CAPN3: variants seen among roughly 807,000 people sequenced by gnomAD.
CAPN3 encodes the protein calpain 3.
In CAPN3, 88 loss-of-function variants were observed where a neutral mutation model predicts 114.0. That is an observed-to-expected ratio of 0.77 (90% CI 0.65 to 0.92). CAPN3 has a LOEUF of 0.92. Among genes scored for constraint, CAPN3 ranks in the 40% least tolerant of loss-of-function variants. CAPN3 has a pLI of 0.00. For synonymous variants in CAPN3, 386 were observed against 382.9 expected (o/e 1.01, Z -0.09); for missense variants, 1,028 against 1,069.0 (o/e 0.96, Z 0.53).
chr15:42,412,188 A>AC lies in CAPN3; in HGVS notation c.*416dup. The stretch of plus-strand genomic sequence containing the variant: ...ACCATGGGCCAGGAACCAAACCAGC[A>AC]CTGGGTTCTACTGCTGTGGGGTAAA... On this transcript the variant is annotated 3_prime_UTR_variant, in exon 24 of 24. Coordinates refer to ENST00000397163, the MANE Select transcript of CAPN3 (RefSeq NM_000070.3). 1 of 1,536,074 alleles carries AC rather than the reference A, an allele frequency of 6.5e-7. No individual in the cohort carries two copies. Among genetic ancestry groups the AC allele is most frequent in the South Asian group, 1.2e-5 (1 of 84,058 alleles).
At chr15:42,409,737 A>C in intron 17 of CAPN3, 50 bp from the exon 18 acceptor site, 1 of 1,527,390 alleles carries the variant, frequency 6.5e-7, no homozygotes, top group Non-Finnish European at 9.1e-7. Context: ...TGTCCGCGCC[A>C]GGAGCTGCTG....
chr15:42,411,213 C>T, intron 22 of CAPN3, 74 bp from the exon 23 acceptor site: 1 of 1,292,522 alleles, frequency 7.7e-7, no homozygotes, highest in South Asian at 1.2e-5. Flanking sequence ...GCACATGGTC[C>T]TCTGAGGGGA....
At position 42,399,548 on chromosome 15, in the gene CAPN3, C is replaced by G; in HGVS notation, c.1250C>G (p.Thr417Arg). 1 of 1,613,528 alleles carries G rather than the reference C, an allele frequency of 6.2e-7. No homozygotes were observed. Among genetic ancestry groups the G allele is most frequent in the Non-Finnish European group, 8.5e-7 (1 of 1,179,494 alleles). The stretch of plus-strand genomic sequence containing the variant: ...ACAAAGTTGGAGATCTGCAACCTCA[C>G]GGCCGATGCTCTGCAGTCTGACAAG... ...HFTKLEICNL[T>R]ADALQSDKLQ... Residue 417 changes from threonine (T) to arginine (R), a missense_variant, in exon 10 of 24, where the codon ACG becomes AGG. By Grantham distance (71) the Thr-to-Arg change is moderately conservative. Coordinates refer to ENST00000397163, the MANE Select transcript of CAPN3 (RefSeq NM_000070.3).
chr15:42,397,644 GAA>G (rs552359920), intron 9 of CAPN3, among the ~76,000 whole-genome samples: 5 of 135,636 alleles, frequency 3.7e-5, no homozygotes, highest in Non-Finnish European at 4.9e-5. Context: ...CTCTGTCTTG[GAA>G]AAAAAAAAAA....
intron 3 of CAPN3, among the ~76,000 whole-genome samples, chr15:42,386,873 C>T (rs535137768): frequency 6.6e-6 from 1 of 152,198 alleles, no homozygotes; most frequent in African/African-American, 2.4e-5. Context: ...CAGAACCAAA[C>T]TGAATTCTAC....
chr15:42,389,724 C>T (rs537173389), intron 5 of CAPN3, among the ~76,000 whole-genome samples: 23 of 152,296 alleles, frequency 1.5e-4, no homozygotes, highest in Non-Finnish European at 2.9e-4. Flanking sequence ...CCCTTCTTCT[C>T]CCAACACGCC....
intron 14 of CAPN3, 24 bp downstream of exon 14, chr15:42,403,801 C>T (rs777664886): frequency 6.8e-6 from 11 of 1,611,602 alleles, no homozygotes; most frequent in East Asian, 4.5e-5. Context: ...ATCTTCTGTG[C>T]GAAAAGTCCA....
At chr15:42,361,809 A>G (rs1218971634) in intron 1 of CAPN3, among the ~76,000 whole-genome samples, 1 of 152,202 alleles carries the variant, frequency 6.6e-6, no homozygotes. Flanking sequence ...GTGCTTGGAC[A>G]TTTAGCTGCT....
At chr15:42,407,290 G>C (rs1317536393) in intron 15 of CAPN3, among the ~76,000 whole-genome samples, 1 of 152,136 alleles carries the variant, frequency 6.6e-6, no homozygotes, top group Non-Finnish European at 1.5e-5. Context: ...AGGGAAAGCA[G>C]ATTTTACCAT....
At chr15:42,384,431 A>C in intron 1 of CAPN3, 52 bp from the exon 2 acceptor site, 1 of 1,279,536 alleles carries the variant, frequency 7.8e-7, no homozygotes, top group Non-Finnish European at 1.1e-6. Flanking sequence ...CTATCTATCT[A>C]TCTGTCTATC....
At chr15:42,373,387 T>C (rs910147839) in intron 1 of CAPN3, among the ~76,000 whole-genome samples, 5 of 152,122 alleles carry the variant, frequency 3.3e-5, no homozygotes, top group African/African-American at 1.2e-4. Context: ...GATCACACTT[T>C]GAGAAGCACA....
In CAPN3 at chr15:42,392,634, TACAG is replaced by T. The variant is rs766156798; in HGVS notation, c.946-1_948del. ...CTAATGGGTTCTCTGGTTACTGCTC[TACAG>T]ACAATCATTCCGGTTCAGTATGAGA... is the stretch of plus-strand genomic sequence containing the variant. On this transcript the variant is annotated splice_acceptor_variant and splice_polypyrimidine_tract_variant and intron_variant, in intron 6 of 23. Coordinates refer to ENST00000397163, the MANE Select transcript of CAPN3 (RefSeq NM_000070.3). LOFTEE classifies it high-confidence loss of function. The T allele has an allele frequency of 3.1e-6, 5 of 1,612,836 alleles. No homozygotes were observed. Among genetic ancestry groups the T allele is most frequent in the East Asian group, 2.2e-5 (1 of 44,866 alleles).
At chr15:42,361,990 GCC>G (rs2052656509) in intron 1 of CAPN3, among the ~76,000 whole-genome samples, 1 of 152,140 alleles carries the variant, frequency 6.6e-6, no homozygotes, top group Admixed American at 6.5e-5. Context: ...CATCTTTGAG[GCC>G]CCCTCACCAA....
At chr15:42,398,981 C>T (rs911531089) in intron 9 of CAPN3, among the ~76,000 whole-genome samples, 5 of 151,974 alleles carry the variant, frequency 3.3e-5, no homozygotes, top group Admixed American at 6.6e-5. Context: ...GATGGGGTTT[C>T]ACCATGTTGG....
chr15:42,405,580 G>A (rs2053996036), intron 14 of CAPN3, among the ~76,000 whole-genome samples: 2 of 152,262 alleles, frequency 1.3e-5, no homozygotes, highest in South Asian at 2.1e-4. Context: ...CCAAAGTGCT[G>A]GGATTACAGG....
chr15:42,401,901 C>T, intron 11 of CAPN3, 91 bp downstream of exon 11: 6 of 1,441,742 alleles, frequency 4.2e-6, no homozygotes, highest in Non-Finnish European at 5.7e-6. Flanking sequence ...CTGGCTTCCT[C>T]AATACCCAGT....
intron 13 of CAPN3, 118 bp downstream of exon 13, chr15:42,403,120 C>G (rs1002463063): frequency 2.5e-6 from 2 of 784,606 alleles, no homozygotes; most frequent in African/African-American, 3.4e-5. Flanking sequence ...TGCTCCTGAG[C>G]CACTGGCCAC....
At chr15:42,387,719 A>G in intron 3 of CAPN3, 34 bp from the exon 4 acceptor site, 1 of 1,613,890 alleles carries the variant, frequency 6.2e-7, no homozygotes, top group Non-Finnish European at 8.5e-7. Flanking sequence ...CAGTAATTTG[A>G]GTATGTGACT....
chr15:42,401,904 T>C (rs2141200300), intron 11 of CAPN3, 94 bp downstream of exon 11: 1 of 1,421,452 alleles, frequency 7.0e-7, no homozygotes, highest in South Asian at 1.2e-5. Context: ...GCTTCCTCAA[T>C]ACCCAGTGAC....
Sources: allele counts gnomAD v4.1 joint callset (sites outside exome capture counted in the v4.1 genomes callset), GRCh38; gene constraint gnomAD v4.1.1; transcripts MANE v1.5; gene names NCBI Gene and HGNC (gene_info 2026-07-23, HGNC 2026-07-21).